The following RBPMS variants were observed in gnomAD, a reference collection of about 807,000 sequenced individuals.
RBPMS encodes the protein RNA binding protein, mRNA processing factor.
Under a neutral mutation model 26.8 loss-of-function variants are expected in RBPMS, and 7 were observed. The ratio of observed to expected loss-of-function variants is 0.26; its 90% CI spans 0.15 to 0.49. The LOEUF (loss-of-function observed/expected upper bound fraction) is 0.49. RBPMS is among the 20% of genes least tolerant of loss of function. The pLI, the probability that RBPMS is intolerant of heterozygous loss-of-function variation, is 0.98. For synonymous variants in RBPMS, 96 were observed against 93.3 expected, an observed-to-expected ratio of 1.03 and a Z score of -0.17; for missense variants, 186 against 250.0, an observed-to-expected ratio of 0.74 and a Z score of 1.73.
At chr8:30,453,524 T>C (rs1316693338) in intron 1 of RBPMS, 2 of 152,232 alleles carry the variant, frequency 1.3e-5, no homozygotes, top group East Asian at 1.9e-4. Flanking sequence ...TGTTCTCTTA[T>C]TACATTATTC....
chr8:30,469,130 G>C lies in RBPMS; in HGVS notation c.67-5649G>C, dbSNP rs948027179. 4.5e-4 allele frequency among the ~76,000 whole-genome samples: 68 copies of C among 152,218 alleles called. 1 individual carries two copies. The highest frequency in any genetic ancestry group is 1.2e-4 in the Non-Finnish European group (8 of 68,040). On this transcript the variant is annotated intron_variant, in intron 1 of 8. Coordinates refer to ENST00000397323, the MANE Select transcript of RBPMS (RefSeq NM_001008710.3). ...TGAAAAGTGTCTGTGATTATTCTCT[G>C]TTGTGTACTGAAGTCGAGCATTTTT... is the stretch of plus-strand genomic sequence containing the variant.
At chr8:30,419,082 A>AG (rs1183563711) in intron 1 of RBPMS, among the ~76,000 whole-genome samples, 4 of 151,480 alleles carry the variant, frequency 2.6e-5, no homozygotes, top group African/African-American at 9.7e-5. Flanking sequence ...AAAAAAAAAA[A>AG]CAGAACTAAT....
At chr8:30,549,804 T>TCTCTCTCTCTCTCC (rs1383466717) in intron 6 of RBPMS, among the ~76,000 whole-genome samples, 18 of 102,808 alleles carry the variant, frequency 1.8e-4, no homozygotes, top group African/African-American at 7.9e-4. Context: ...CTCCCCTCTC[T>TCTCTCTCTCTCTCC]CCTCTCTCTC....
intron 1 of RBPMS, among the ~76,000 whole-genome samples, chr8:30,435,452 T>C (rs1812351752): frequency 6.6e-6 from 1 of 152,220 alleles, no homozygotes; most frequent in Non-Finnish European, 1.5e-5. Context: ...ATATGTTGCC[T>C]GTTGATTTGG....
chr8:30,443,757 C>A (rs1813402339), intron 1 of RBPMS, among the ~76,000 whole-genome samples: 1 of 150,526 alleles, frequency 6.6e-6, no homozygotes, highest in African/African-American at 2.5e-5. Context: ...ACCACCACGT[C>A]CAGCGAATTT....
chr8:30,566,280 G>A lies in RBPMS; in HGVS notation c.*31G>A, dbSNP rs1443775554. The A allele has an allele frequency of 2.0e-6, 2 of 985,902 alleles. No individual in the cohort carries two copies. Among genetic ancestry groups the A allele is most frequent in the Non-Finnish European group, 2.4e-6 (2 of 830,062 alleles). The allele number at this position is 985,902 out of a possible 1,614,324, so 61.1% of individuals were successfully genotyped here. Reference sequence around the variant, plus strand: ...AGGTCCCAGGTGTGTGATGGCGGCTGCAATCTGTCTTGTGGGTATTAATGC... The same window carrying A: ...AGGTCCCAGGTGTGTGATGGCGGCTACAATCTGTCTTGTGGGTATTAATGC... On this transcript the variant is annotated 3_prime_UTR_variant, in exon 8 of 9. Transcript: ENST00000397323.
chr8:30,422,700 C>A (rs1018339768), intron 1 of RBPMS, among the ~76,000 whole-genome samples: 1 of 152,130 alleles, frequency 6.6e-6, no homozygotes, highest in African/African-American at 2.4e-5. Flanking sequence ...TAAATAGATA[C>A]CTGAGTGTGG....
At chr8:30,442,922 G>C (rs184998438) in intron 1 of RBPMS, 1 of 152,172 alleles carries the variant, frequency 6.6e-6, no homozygotes, top group Non-Finnish European at 1.5e-5. Context: ...AAGACTTGGC[G>C]ATAAGCTCTC....
intron 1 of RBPMS, among the ~76,000 whole-genome samples, chr8:30,436,845 C>T (rs1385126628): frequency 2.0e-5 from 3 of 151,580 alleles, no homozygotes; most frequent in South Asian, 2.1e-4. Flanking sequence ...CTTAAGGGCA[C>T]GTAATAAATA....
At chr8:30,536,364 T>C (rs1448101455) in intron 5 of RBPMS, among the ~76,000 whole-genome samples, 1 of 152,160 alleles carries the variant, frequency 6.6e-6, no homozygotes. Context: ...CGACCTCAGG[T>C]GATCCGCCCG....
At chr8:30,435,713 T>C (rs1454673629) in intron 1 of RBPMS, among the ~76,000 whole-genome samples, 1 of 152,154 alleles carries the variant, frequency 6.6e-6, no homozygotes, top group Non-Finnish European at 1.5e-5. Flanking sequence ...AATGGAGTGA[T>C]GAGTTAGGGA....
intron 1 of RBPMS, among the ~76,000 whole-genome samples, chr8:30,428,659 C>T (rs1811618497): frequency 6.6e-6 from 1 of 151,994 alleles, no homozygotes; most frequent in Non-Finnish European, 1.5e-5. Context: ...TACAGGGCTC[C>T]CAGAGAGGTT....
chr8:30,495,453 A>G (rs1029993940), intron 4 of RBPMS, among the ~76,000 whole-genome samples: 1 of 152,164 alleles, frequency 6.6e-6, no homozygotes, highest in Admixed American at 6.5e-5. Flanking sequence ...ATACCACAGG[A>G]AGCCTTGGGA....
chr8:30,525,831 CT>C (rs988673117), intron 5 of RBPMS, among the ~76,000 whole-genome samples: 1 of 152,226 alleles, frequency 6.6e-6, no homozygotes, highest in Non-Finnish European at 1.5e-5. Flanking sequence ...TCCAGCTGGC[CT>C]TCCTAGCCCT....
intron 5 of RBPMS, among the ~76,000 whole-genome samples, chr8:30,529,149 G>A (rs1040268194): frequency 6.6e-6 from 1 of 151,956 alleles, no homozygotes; most frequent in Admixed American, 6.6e-5. Context: ...AACCCAGGAG[G>A]CAGAGGTCAC....
chr8:30,503,778 G>A, intron 4 of RBPMS, among the ~76,000 whole-genome samples: 1 of 152,030 alleles, frequency 6.6e-6, no homozygotes, highest in Admixed American at 6.6e-5. Flanking sequence ...CACTCTCTTG[G>A]GATATCTTTT....
intron 6 of RBPMS, among the ~76,000 whole-genome samples, chr8:30,555,588 T>G (rs931530447): frequency 6.6e-6 from 1 of 152,188 alleles, no homozygotes; most frequent in African/African-American, 2.4e-5. Context: ...GGTGTGTGTT[T>G]GTGTACACAT....
At chr8:30,545,396 A>G in intron 6 of RBPMS, 1 of 1,092,144 alleles carries the variant, frequency 9.2e-7, no homozygotes, top group Non-Finnish European at 1.1e-6. Context: ...AATCAGTGTA[A>G]AGATTCACCT....
At chr8:30,563,316 A>C (rs1189882079) in intron 7 of RBPMS, among the ~76,000 whole-genome samples, 1 of 152,248 alleles carries the variant, frequency 6.6e-6, no homozygotes, top group Non-Finnish European at 1.5e-5. Flanking sequence ...TGTGCTAGAG[A>C]GCCCAGAATA....
Sources: gnomAD v4.1 joint callset for allele counts (sites outside exome capture counted in the v4.1 genomes callset) on GRCh38, gnomAD v4.1.1 for gene constraint, MANE v1.5 for transcripts, NCBI Gene and HGNC (gene_info 2026-07-23, HGNC 2026-07-21) for gene names.